IL5RA: variants seen among roughly 807,000 people sequenced by gnomAD.
IL5RA encodes the protein interleukin-5 receptor subunit alpha.
A neutral mutation model predicts 50.0 loss-of-function variants in IL5RA; 49 were observed. The observed-to-expected ratio is 0.98, with a 90% CI of 0.78 to 1.24. IL5RA has a LOEUF of 1.24. Ranked by LOEUF, IL5RA falls within the 50% of genes most tolerant of loss-of-function variation. The pLI, the probability that IL5RA is intolerant of heterozygous loss-of-function variation, is 0.00. For synonymous variants in IL5RA, 202 were observed against 174.0 expected, an observed-to-expected ratio of 1.16 and a Z score of -1.26; for missense variants, 600 against 500.4, an observed-to-expected ratio of 1.20 and a Z score of -1.90.
intron 8 of IL5RA, among the ~76,000 whole-genome samples, chr3:3,093,251 C>T (rs989315838): frequency 2.6e-5 from 4 of 152,266 alleles, no homozygotes; most frequent in African/African-American, 7.2e-5. Context: ...GACTGAATTA[C>T]TTGCCACTTG....
In IL5RA at chr3:3,098,057, C is replaced by T. The variant is rs1296518650; in HGVS notation, c.522G>A (p.Arg174=). Residue 174 remains arginine, a splice_region_variant and synonymous_variant, in exon 7 of 12, where the codon AGG becomes AGA. Transcript: ENST00000446632. ...PEDTQYFLYY[R]YGSWTEECQE... ...GGCATTCTTCAGTCCAAGAGCCATA[C>T]CTAAATTGGAACATTTACGAGTGTT... The T allele has an allele frequency of 1.2e-6, 2 of 1,614,124 alleles. No individual in the cohort carries two copies. Among genetic ancestry groups the T allele is most frequent in the Non-Finnish European group, 8.5e-7 (1 of 1,180,012 alleles).
At chr3:3,080,904 C>T (rs1157912482) in intron 9 of IL5RA, among the ~76,000 whole-genome samples, 2 of 152,184 alleles carry the variant, frequency 1.3e-5, no homozygotes, top group Non-Finnish European at 2.9e-5. Context: ...GTATGTTGCC[C>T]AGGCTGGTCT....
chr3:3,086,507 G>A (rs1031409048), intron 9 of IL5RA, among the ~76,000 whole-genome samples: 2 of 152,000 alleles, frequency 1.3e-5, no homozygotes, highest in Non-Finnish European at 2.9e-5. Flanking sequence ...CTGATCTAGG[G>A]CAGGTGATAA....
In IL5RA at chr3:3,092,207, A is replaced by T; in HGVS notation, c.994+17T>A. 1.2e-6 allele frequency: 2 copies of T among 1,606,658 alleles called. No homozygotes were observed. The highest frequency in any genetic ancestry group is 8.5e-7 in the Non-Finnish European group (1 of 1,177,762). On this transcript the variant is annotated intron_variant, in intron 9 of 11. Coordinates refer to ENST00000446632, the MANE Select transcript of IL5RA (RefSeq NM_175726.4). The surrounding 1 kb of genome is among the most constrained non-coding windows in gnomAD (Gnocchi z 4.2). ...ACAAGGAAGGCTGCCAATGTAAAATAAACATAAGCTACTTACCCACATAAA... is the reference window on the plus strand; with the variant it reads ...ACAAGGAAGGCTGCCAATGTAAAATTAACATAAGCTACTTACCCACATAAA...
At chr3:3,100,127 A>C (rs1223024333) in intron 5 of IL5RA, among the ~76,000 whole-genome samples, 2 of 152,128 alleles carry the variant, frequency 1.3e-5, no homozygotes, top group African/African-American at 4.8e-5. Flanking sequence ...GTGGTTGCTC[A>C]GAGAAGGAAA....
At chr3:3,090,089 T>TTG in intron 9 of IL5RA, 1 of 1,010,026 alleles carries the variant, frequency 9.9e-7, no homozygotes, top group East Asian at 2.7e-5. Flanking sequence ...TACCTAAACT[T>TTG]TCCAAACAAG....
At chr3:3,076,996 C>G (rs745770482) in intron 9 of IL5RA, among the ~76,000 whole-genome samples, 1 of 151,998 alleles carries the variant, frequency 6.6e-6, no homozygotes, top group African/African-American at 2.4e-5. Context: ...AGAAAATCCA[C>G]AAAAAGATAA....
intron 11 of IL5RA, among the ~76,000 whole-genome samples, chr3:3,072,898 C>T (rs138573348): frequency 7.8e-4 from 119 of 152,212 alleles, no homozygotes; most frequent in African/African-American, 2.6e-3. Flanking sequence ...GGTGACAAAG[C>T]GAGACTCCAT....
In IL5RA at chr3:3,076,522, A is replaced by C; in HGVS notation, c.1091+9T>G. On this transcript the variant is annotated intron_variant, in intron 10 of 11. Coordinates refer to ENST00000446632, the MANE Select transcript of IL5RA (RefSeq NM_175726.4). ...CCACTGCAAGCACGCAAATGTAAAG[A>C]ACACTTACATTTTACAGATAAGCGA... 2 of 1,562,856 alleles carry C rather than the reference A, an allele frequency of 1.3e-6. No individual in the cohort carries two copies. The highest frequency in any genetic ancestry group is 1.8e-6 in the Non-Finnish European group (2 of 1,134,406).
At chr3:3,101,670 G>A in intron 5 of IL5RA, 22 bp downstream of exon 5, 1 of 1,604,762 alleles carries the variant, frequency 6.2e-7, no homozygotes, top group Non-Finnish European at 8.5e-7. Context: ...ATACAAACTG[G>A]ACTTTTGGAG....
At chr3:3,095,183 A>T in intron 8 of IL5RA, 116 bp downstream of exon 8, 2 of 715,212 alleles carry the variant, frequency 2.8e-6, no homozygotes, top group Non-Finnish European at 4.7e-6. Context: ...AGATTAAGTT[A>T]ACTTTGACCT....
At chr3:3,071,253 A>G (rs542634681) in intron 11 of IL5RA, among the ~76,000 whole-genome samples, 12 of 152,182 alleles carry the variant, frequency 7.9e-5, no homozygotes, top group African/African-American at 2.7e-4. Context: ...TTAATAGTTT[A>G]CGGGCAACCT....
At chr3:3,093,475 T>C (rs1425634741) in intron 8 of IL5RA, among the ~76,000 whole-genome samples, 5 of 152,250 alleles carry the variant, frequency 3.3e-5, no homozygotes, top group African/African-American at 9.6e-5. Context: ...TATTTAATTT[T>C]TTCTAGCAGA....
At chr3:3,106,240 T>G (rs1195340405) in intron 2 of IL5RA, among the ~76,000 whole-genome samples, 2 of 152,240 alleles carry the variant, frequency 1.3e-5, no homozygotes, top group African/African-American at 2.4e-5. Flanking sequence ...AAACATTTAT[T>G]TAAGTGGCTT....
intron 9 of IL5RA, chr3:3,091,824 C>T (rs1467344203): frequency 1.0e-5 from 2 of 197,240 alleles, no homozygotes; most frequent in African/African-American, 4.7e-5. Context: ...TTCTATTCCA[C>T]TATTGTACTA....
intron 10 of IL5RA, 118 bp from the exon 11 acceptor site, chr3:3,074,984 C>G (rs1330357302): frequency 4.5e-6 from 3 of 661,142 alleles, no homozygotes; most frequent in Non-Finnish European, 5.3e-6. Flanking sequence ...AATTCAAAAT[C>G]TTTACGTACC....
rs1703179450 is a variant in IL5RA at position 3,092,651 on chromosome 3, G to A, written c.856-289C>T. On this transcript the variant is annotated intron_variant, in intron 8 of 11. Transcript: ENST00000446632. This position sits in a 1 kb window ranked among gnomAD's most constrained non-coding sequence, Gnocchi z 4.2. The stretch of plus-strand genomic sequence containing the variant: ...CTGATGTTTCCAGACTGAAAGACTG[G>A]AGTGGCCTATGCTAGAATGCATTAT... Among the ~76,000 whole-genome samples, 1 of 152,344 alleles carries A rather than the reference G, an allele frequency of 6.6e-6. No homozygotes were observed. Among genetic ancestry groups the A allele is most frequent in the East Asian group, 1.9e-4 (1 of 5,184 alleles).
At chr3:3,074,559 AG>A (rs964940772) in intron 11 of IL5RA, among the ~76,000 whole-genome samples, 13 of 152,298 alleles carry the variant, frequency 8.5e-5, no homozygotes, top group South Asian at 2.1e-4. Context: ...GCTTAGACCC[AG>A]GTGTTTGAGA....
intron 8 of IL5RA, among the ~76,000 whole-genome samples, chr3:3,094,069 CT>C (rs1246132250): frequency 6.6e-6 from 1 of 152,164 alleles, no homozygotes; most frequent in Non-Finnish European, 1.5e-5. Flanking sequence ...TTCTCAGTTC[CT>C]TTCCCCTTGA....
Sources: gnomAD v4.1 joint callset for allele counts (sites outside exome capture counted in the v4.1 genomes callset) on GRCh38, gnomAD v4.1.1 for gene constraint, Gnocchi (gnomAD v3.1) non-coding constraint, MANE v1.5 for transcripts, NCBI Gene and HGNC (gene_info 2026-07-23, HGNC 2026-07-21) for gene names.